NEK11: variants seen among roughly 807,000 people sequenced by gnomAD.
NEK11 encodes the protein serine/threonine-protein kinase Nek11.
Under a neutral mutation model 80.7 loss-of-function variants are expected in NEK11, and 72 were observed. The ratio of observed to expected loss-of-function variants is 0.89; its 90% CI spans 0.74 to 1.08. The LOEUF (loss-of-function observed/expected upper bound fraction) is 1.08. NEK11 is among the 50% of genes least tolerant of loss of function. The pLI, the probability that NEK11 is intolerant of heterozygous loss-of-function variation, is 0.00. For missense variants in NEK11, 764 were observed against 763.6 expected, an observed-to-expected ratio of 1.00 and a Z score of -0.01; for synonymous variants, 251 against 260.7, an observed-to-expected ratio of 0.96 and a Z score of 0.36.
chr3:131,048,665 C>T (rs867955510), intron 3 of NEK11, among the ~76,000 whole-genome samples: 24 of 152,146 alleles, frequency 1.6e-4, no homozygotes, highest in African/African-American at 5.1e-4. Context: ...AGCAGCAATC[C>T]GCTTCCTTCA....
intron 17 of NEK11, chr3:131,326,323 GCA>G (rs1274947271): frequency 6.6e-6 from 1 of 152,176 alleles, no homozygotes; most frequent in Non-Finnish European, 1.5e-5. Context: ...GCTTCCCATT[GCA>G]CCCATGGCAA....
intron 17 of NEK11, among the ~76,000 whole-genome samples, chr3:131,338,298 A>C (rs2097226318): frequency 7.4e-6 from 1 of 134,276 alleles, no homozygotes; most frequent in Non-Finnish European, 1.6e-5. Flanking sequence ...TTTTAATACT[A>C]AGTCTGGCAA....
chr3:131,122,645 G>A (rs1033919086), intron 5 of NEK11, among the ~76,000 whole-genome samples: 3 of 151,788 alleles, frequency 2.0e-5, no homozygotes, highest in African/African-American at 7.3e-5. Flanking sequence ...CCTGCTAGAT[G>A]AAGGATAGAC....
At chr3:131,152,809 C>A in intron 9 of NEK11, 100 bp downstream of exon 9, 1 of 888,256 alleles carries the variant, frequency 1.1e-6, no homozygotes, top group South Asian at 1.6e-5. Flanking sequence ...CAGTAAGAAT[C>A]AACCAGAAAG....
At chr3:131,082,947 A>G (rs1020563546) in intron 4 of NEK11, among the ~76,000 whole-genome samples, 6 of 152,246 alleles carry the variant, frequency 3.9e-5, no homozygotes. Context: ...ACCATAGTAC[A>G]GTAATCAAAA....
chr3:131,284,152 T>C (rs2096440538), intron 17 of NEK11, among the ~76,000 whole-genome samples: 1 of 152,162 alleles, frequency 6.6e-6, no homozygotes, highest in Non-Finnish European at 1.5e-5. Context: ...GCCCATCTCT[T>C]ATAAAGGAGT....
chr3:131,262,843 G>A (rs1051700619), intron 16 of NEK11, among the ~76,000 whole-genome samples: 8 of 151,814 alleles, frequency 5.3e-5, no homozygotes, highest in Middle Eastern at 3.2e-3. Flanking sequence ...GCCCTGGTGT[G>A]TGATGTCCCC....
intron 17 of NEK11, among the ~76,000 whole-genome samples, chr3:131,283,161 C>T (rs1202878415): frequency 6.6e-6 from 1 of 152,156 alleles, no homozygotes; most frequent in East Asian, 1.9e-4. Context: ...AAAACCAGAG[C>T]TGGAAAGTAC....
At chr3:131,128,424 T>C (rs926733523) in intron 5 of NEK11, among the ~76,000 whole-genome samples, 1 of 152,230 alleles carries the variant, frequency 6.6e-6, no homozygotes, top group Non-Finnish European at 1.5e-5. Context: ...TTTCTCAGGC[T>C]GACTTCTTTC....
chr3:131,189,264 C>A (rs1363027041), intron 14 of NEK11, among the ~76,000 whole-genome samples: 1 of 152,168 alleles, frequency 6.6e-6, no homozygotes, highest in Non-Finnish European at 1.5e-5. Flanking sequence ...ATTTGTGGGA[C>A]TTCATTACAG....
Position 131,136,588 on chromosome 3 carries a change from T to G in NEK11, c.647+2632T>G, listed in dbSNP as rs929135787. Among the ~76,000 whole-genome samples the G allele has an allele frequency of 3.3e-5, 5 of 152,354 alleles. No individual in the cohort carries two copies. The South Asian group carries it at 8.3e-4, about 25-fold the overall frequency. ...GCCTAATACTAGTTATGTTTTCATC[T>G]GTAATGTTTGCCCATATGTAACATT... On this transcript the variant is annotated intron_variant, in intron 7 of 17. Transcript: ENST00000383366.
intron 14 of NEK11, among the ~76,000 whole-genome samples, chr3:131,219,165 T>C (rs1339729076): frequency 2.0e-5 from 3 of 152,038 alleles, no homozygotes; most frequent in African/African-American, 7.3e-5. Context: ...AATGATAGAC[T>C]GGATAAAGAA....
intron 14 of NEK11, among the ~76,000 whole-genome samples, chr3:131,191,479 C>A (rs542537264): frequency 6.6e-6 from 1 of 152,246 alleles, no homozygotes; most frequent in East Asian, 1.9e-4. Flanking sequence ...GCTGTGCCCT[C>A]TTCTATTTTT....
intron 4 of NEK11, among the ~76,000 whole-genome samples, chr3:131,083,838 A>C (rs2075632854): frequency 6.6e-6 from 1 of 152,188 alleles, no homozygotes; most frequent in African/African-American, 2.4e-5. Context: ...TTTGATGGGG[A>C]ATAGTTCCAA....
chr3:131,274,148 C>A (rs1300097792), intron 17 of NEK11, among the ~76,000 whole-genome samples: 2 of 139,852 alleles, frequency 1.4e-5, no homozygotes, highest in African/African-American at 2.7e-5. Context: ...GTGATATTCC[C>A]CTTCCTGTGT....
At chr3:131,048,461 A>G (rs963316758) in intron 3 of NEK11, among the ~76,000 whole-genome samples, 1 of 152,220 alleles carries the variant, frequency 6.6e-6, no homozygotes, top group African/African-American at 2.4e-5. Context: ...GAGTGCCCAC[A>G]GGGCTCTTCC....
chr3:131,286,493 A>G (rs947065745), intron 17 of NEK11, among the ~76,000 whole-genome samples: 4 of 152,246 alleles, frequency 2.6e-5, no homozygotes, highest in African/African-American at 7.2e-5. Flanking sequence ...GATATTTTTA[A>G]ACAATTAAGC....
intron 3 of NEK11, among the ~76,000 whole-genome samples, chr3:131,057,709 T>C (rs2148763750): frequency 6.6e-6 from 1 of 152,124 alleles, no homozygotes; most frequent in African/African-American, 2.4e-5. Context: ...TCTGTTCATA[T>C]CCTTTGCCCA....
intron 12 of NEK11, among the ~76,000 whole-genome samples, chr3:131,167,200 C>G (rs1579435924): frequency 6.6e-6 from 1 of 152,208 alleles, no homozygotes; most frequent in East Asian, 1.9e-4. Flanking sequence ...GAAAGCAGTA[C>G]TTCACCTCAG....
Sources: gnomAD v4.1 joint callset for allele counts (sites outside exome capture counted in the v4.1 genomes callset) on GRCh38, gnomAD v4.1.1 for gene constraint, MANE v1.5 for transcripts, NCBI Gene and HGNC (gene_info 2026-07-23, HGNC 2026-07-21) for gene names.